SLC14A2: variants seen among roughly 807,000 people sequenced by gnomAD.
SLC14A2 encodes the protein urea transporter 2.
Under a neutral mutation model 104.6 loss-of-function variants are expected in SLC14A2, and 91 were observed. The ratio of observed to expected loss-of-function variants is 0.87; its 90% CI spans 0.73 to 1.04. SLC14A2 has a LOEUF of 1.04. Ranked by LOEUF, SLC14A2 falls within the 50% of genes least tolerant of loss-of-function variation. SLC14A2 has a pLI of 0.00. For synonymous variants in SLC14A2, 476 were observed against 466.4 expected, an observed-to-expected ratio of 1.02 and a Z score of -0.27; for missense variants, 1,189 against 1,156.0, an observed-to-expected ratio of 1.03 and a Z score of -0.41.
chr18:45,271,390 T>G (rs1045500817), intron 1 of SLC14A2, among the ~76,000 whole-genome samples: 16 of 152,122 alleles, frequency 1.1e-4, no homozygotes, highest in African/African-American at 3.9e-4. Flanking sequence ...ATCAGGAAAT[T>G]TATGACTTGA....
intron 1 of SLC14A2, among the ~76,000 whole-genome samples, chr18:45,240,885 C>T (rs769531575): frequency 3.3e-5 from 5 of 152,048 alleles, no homozygotes; most frequent in Non-Finnish European, 7.4e-5. Context: ...GTCTCGAACA[C>T]CTGACCTGGT....
chr18:45,606,624 C>T (rs2044873923), intron 2 of SLC14A2, among the ~76,000 whole-genome samples: 1 of 143,708 alleles, frequency 7.0e-6, no homozygotes, highest in Non-Finnish European at 1.5e-5. Flanking sequence ...AAACATATGC[C>T]CATGACCTTA....
At chr18:45,645,820 A>G (rs1440976670) in intron 10 of SLC14A2, among the ~76,000 whole-genome samples, 1 of 152,106 alleles carries the variant, frequency 6.6e-6, no homozygotes, top group African/African-American at 2.4e-5. Context: ...TTAAACAAGC[A>G]GTGAGCTAGA....
chr18:45,242,390 C>T lies in SLC14A2; in HGVS notation c.-125+29199C>T, dbSNP rs1049566830. Among the ~76,000 whole-genome samples, 17 of 152,246 alleles carry T rather than the reference C, an allele frequency of 1.1e-4. 1 individual carries two copies. Among genetic ancestry groups the T allele is most frequent in the Non-Finnish European group, 8.8e-5 (6 of 68,022 alleles). On this transcript the variant is annotated intron_variant, in intron 1 of 20. Transcript: ENST00000586448. ...ACGTCAGTCAAAGGCGGCAGAGCAG[C>T]CCTTTTGAGCAAACAATTGGGAAAC... is the stretch of plus-strand genomic sequence containing the variant.
chr18:45,327,585 C>T (rs11659248), intron 1 of SLC14A2, among the ~76,000 whole-genome samples: 20,041 of 152,198 alleles, frequency 0.13, 1,395 homozygotes, highest in South Asian at 0.16. Context: ...ACCTCTGTCT[C>T]TATGAATTTG....
At chr18:45,676,305 G>A (rs547209385) in intron 18 of SLC14A2, among the ~76,000 whole-genome samples, 2 of 152,268 alleles carry the variant, frequency 1.3e-5, no homozygotes, top group South Asian at 4.1e-4. Flanking sequence ...GGAGCAGGTG[G>A]CCCGGTGGGG....
At chr18:45,641,056 G>A (rs549310469) in intron 7 of SLC14A2, among the ~76,000 whole-genome samples, 153 bp from the exon 8 acceptor site, 7 of 152,232 alleles carry the variant, frequency 4.6e-5, no homozygotes, top group South Asian at 2.1e-4. Context: ...TCCTAAGACC[G>A]GATGCCATTT....
intron 1 of SLC14A2, among the ~76,000 whole-genome samples, chr18:45,417,686 G>A (rs567205720): frequency 6.6e-6 from 1 of 152,192 alleles, no homozygotes; most frequent in Non-Finnish European, 1.5e-5. Flanking sequence ...GATTTGGGTG[G>A]GGACACAGCC....
intron 2 of SLC14A2, among the ~76,000 whole-genome samples, chr18:45,494,499 G>C (rs1184303772): frequency 6.6e-6 from 1 of 152,176 alleles, no homozygotes; most frequent in Non-Finnish European, 1.5e-5. Context: ...CTGGGTTCAA[G>C]TGATTCTCCT....
chr18:45,346,280 T>C (rs1454070828), intron 1 of SLC14A2, among the ~76,000 whole-genome samples: 1 of 152,156 alleles, frequency 6.6e-6, no homozygotes, highest in Non-Finnish European at 1.5e-5. Flanking sequence ...CTCAGCCTCC[T>C]GAATAGCTGG....
At chr18:45,301,893 T>G (rs1310745980) in intron 1 of SLC14A2, among the ~76,000 whole-genome samples, 1 of 152,180 alleles carries the variant, frequency 6.6e-6, no homozygotes, top group Non-Finnish European at 1.5e-5. Context: ...TTACTTATGA[T>G]TCTCTCCTAA....
At chr18:45,556,186 T>G (rs1461935200) in intron 2 of SLC14A2, among the ~76,000 whole-genome samples, 1 of 152,208 alleles carries the variant, frequency 6.6e-6, no homozygotes, top group Non-Finnish European at 1.5e-5. Context: ...ATTGCATTCA[T>G]GAGTGCTTTC....
chr18:45,361,844 T>C (rs1217880609), intron 1 of SLC14A2, among the ~76,000 whole-genome samples: 1 of 152,154 alleles, frequency 6.6e-6, no homozygotes, highest in Non-Finnish European at 1.5e-5. Flanking sequence ...TAAAACAAAG[T>C]TTCCTGATAA....
intron 2 of SLC14A2, among the ~76,000 whole-genome samples, chr18:45,607,627 G>T (rs1568296434): frequency 6.6e-6 from 1 of 152,106 alleles, no homozygotes; most frequent in African/African-American, 2.4e-5. Flanking sequence ...ATTGCCCCAG[G>T]TGTGACAAAT....
chr18:45,362,200 G>A (rs1476370850), intron 1 of SLC14A2, among the ~76,000 whole-genome samples: 3 of 152,208 alleles, frequency 2.0e-5, no homozygotes, highest in Non-Finnish European at 4.4e-5. Context: ...CACCACGATT[G>A]TAAGTTTCCT....
chr18:45,548,367 T>C (rs2044005317), intron 2 of SLC14A2, among the ~76,000 whole-genome samples: 1 of 152,188 alleles, frequency 6.6e-6, no homozygotes, highest in African/African-American at 2.4e-5. Flanking sequence ...AAAAAAATGA[T>C]TTTTGATTCG....
chr18:45,248,956 A>T (rs2084394122), intron 1 of SLC14A2, among the ~76,000 whole-genome samples: 1 of 152,204 alleles, frequency 6.6e-6, no homozygotes, highest in Non-Finnish European at 1.5e-5. Context: ...AACCTGAGTG[A>T]AATGATATTT....
intron 1 of SLC14A2, among the ~76,000 whole-genome samples, chr18:45,235,213 C>A (rs2084213070): frequency 6.6e-6 from 1 of 152,118 alleles, no homozygotes; most frequent in Non-Finnish European, 1.5e-5. Context: ...GCCAAGGGGT[C>A]CCCTGGCAGA....
intron 1 of SLC14A2, among the ~76,000 whole-genome samples, chr18:45,620,248 T>C (rs2045142981): frequency 6.6e-6 from 1 of 152,220 alleles, no homozygotes; most frequent in African/African-American, 2.4e-5. Context: ...GCCACTCGGC[T>C]GTGCATGGCC....
Sources: gnomAD v4.1 joint callset for allele counts (sites outside exome capture counted in the v4.1 genomes callset) on GRCh38, gnomAD v4.1.1 for gene constraint, MANE v1.5 for transcripts, NCBI Gene and HGNC (gene_info 2026-07-23, HGNC 2026-07-21) for gene names.